The following C14orf132 variants were observed in gnomAD, a reference collection of about 807,000 sequenced individuals.
C14orf132 encodes the protein uncharacterized protein C14orf132.
A neutral mutation model predicts 5.8 loss-of-function variants in C14orf132; 6 were observed. The observed-to-expected ratio is 1.03, with a 90% CI of 0.57 to 2.04. C14orf132 has a LOEUF of 2.04. Among genes scored for constraint, C14orf132 ranks in the 30% most tolerant of loss-of-function variants. C14orf132 has a pLI of 0.00. For missense variants in C14orf132, 125 were observed against 115.8 expected, an observed-to-expected ratio of 1.08 and a Z score of -0.37; for synonymous variants, 51 against 49.8, an observed-to-expected ratio of 1.02 and a Z score of -0.10.
rs182171396 is a variant in C14orf132 at position 96,088,366 on chromosome 14, C to G, written c.*1631C>G. The G allele has an allele frequency of 6.6e-6, 1 of 152,350 alleles. No individual in the cohort carries two copies. Among genetic ancestry groups the G allele is most frequent in the Admixed American group, 6.5e-5 (1 of 15,310 alleles). 9.4% of individuals were successfully genotyped at this position (152,350 alleles called of 1,614,324 possible). ...ATCTGTCACTGCCACCGTATATCATCTGCCAGTGCATCAGCTTAAGGGGAG... is the reference window on the plus strand; with the variant it reads ...ATCTGTCACTGCCACCGTATATCATGTGCCAGTGCATCAGCTTAAGGGGAG... On this transcript the variant is annotated 3_prime_UTR_variant, in exon 2 of 2. Transcript: ENST00000555004.
chr14:96,057,219 A>T (rs79120083), intron 1 of C14orf132, among the ~76,000 whole-genome samples: 2,638 of 152,310 alleles, frequency 0.017, 72 homozygotes, highest in African/African-American at 0.06. Context: ...GATTAATGCC[A>T]TCTAAAAGGC....
chr14:96,046,091 G>C (rs1264464715), intron 1 of C14orf132, among the ~76,000 whole-genome samples: 1 of 152,226 alleles, frequency 6.6e-6, no homozygotes, highest in Admixed American at 6.5e-5. Flanking sequence ...CCAAGAAAGA[G>C]TGTTCCAGCA....
intron 1 of C14orf132, among the ~76,000 whole-genome samples, chr14:96,069,179 G>GTATATATATATATATATGTATA (rs527543816): frequency 2.1e-5 from 1 of 48,762 alleles, no homozygotes; most frequent in Admixed American, 3.0e-4. Context: ...ATATATATAT[G>GTATATATATATATATATGTATA]TATATATATA....
At chr14:96,072,448 G>A (rs1887742444) in intron 1 of C14orf132, among the ~76,000 whole-genome samples, 1 of 152,216 alleles carries the variant, frequency 6.6e-6, no homozygotes, top group Non-Finnish European at 1.5e-5. Context: ...TTGCCACAGT[G>A]CCTGGCTCAG....
At chr14:96,081,394 C>G (rs370245957) in intron 1 of C14orf132, among the ~76,000 whole-genome samples, 1 of 152,178 alleles carries the variant, frequency 6.6e-6, no homozygotes, top group African/African-American at 2.4e-5. Flanking sequence ...GATCACACCA[C>G]GAGGCAATGT....
At chr14:96,064,234 G>C (rs1195360109) in intron 1 of C14orf132, among the ~76,000 whole-genome samples, 1 of 151,914 alleles carries the variant, frequency 6.6e-6, no homozygotes, top group East Asian at 1.9e-4. Context: ...CAGAGGAAAA[G>C]AAGTCATTAT....
intron 1 of C14orf132, among the ~76,000 whole-genome samples, chr14:96,053,276 C>T (rs1226846724): frequency 6.6e-6 from 1 of 152,230 alleles, no homozygotes; most frequent in African/African-American, 2.4e-5. Flanking sequence ...ATGAGCCAGA[C>T]ACCGTTCTAG....
intron 1 of C14orf132, among the ~76,000 whole-genome samples, chr14:96,080,794 C>A (rs1010997196): frequency 6.6e-5 from 10 of 152,126 alleles, no homozygotes; most frequent in Admixed American, 1.3e-4. Context: ...ACTCAGCCAC[C>A]CCATGCTACA....
intron 1 of C14orf132, among the ~76,000 whole-genome samples, chr14:96,083,160 C>A (rs1888080350): frequency 6.6e-6 from 1 of 152,180 alleles, no homozygotes; most frequent in Non-Finnish European, 1.5e-5. Context: ...CTGTGGGGAG[C>A]CCTTCTGCTG....
chr14:96,080,118 C>G (rs990683965), intron 1 of C14orf132, among the ~76,000 whole-genome samples: 8 of 152,208 alleles, frequency 5.3e-5, no homozygotes, highest in African/African-American at 1.9e-4. Flanking sequence ...GCCACACAGA[C>G]TCTCACTTTA....
rs10148419 is a variant in C14orf132 at position 96,090,784 on chromosome 14, T to C, written c.*4049T>C. ...CGGTTCAGCTGGAAGGCTTGGAGGC[T>C]GGCCAGACCACTCTGGCGTCTCCTG... is the stretch of plus-strand genomic sequence containing the variant. On this transcript the variant is annotated 3_prime_UTR_variant, in exon 2 of 2. Coordinates refer to ENST00000555004, the MANE Select transcript of C14orf132 (RefSeq NM_001252507.3). The C allele has an allele frequency of 0.99, 449,571 of 456,082 alleles. 221,583 individuals are homozygous for C. Among genetic ancestry groups the C allele is most frequent in the East Asian group, 1 (14,379 of 14,380 alleles). 28.3% of individuals were successfully genotyped at this position (456,082 alleles called of 1,614,324 possible). A position where few individuals can be genotyped will look rare whatever the true frequency, so the allele number is the denominator to read the frequency against.
intron 1 of C14orf132, among the ~76,000 whole-genome samples, chr14:96,048,447 C>A (rs577378541): frequency 2.0e-5 from 3 of 152,298 alleles, no homozygotes; most frequent in African/African-American, 7.2e-5. Flanking sequence ...CAGTATGTAG[C>A]TTTTCAGATT....
intron 1 of C14orf132, among the ~76,000 whole-genome samples, chr14:96,041,650 C>T (rs1362621270): frequency 1.3e-5 from 2 of 152,240 alleles, no homozygotes; most frequent in Non-Finnish European, 2.9e-5. Context: ...AGTGCTCAGA[C>T]CCTGCTCCTG....
chr14:96,062,768 C>T (rs1887398132), intron 1 of C14orf132, among the ~76,000 whole-genome samples: 1 of 152,186 alleles, frequency 6.6e-6, no homozygotes, highest in African/African-American at 2.4e-5. Flanking sequence ...AAAGCGCTGT[C>T]TTCACTCCTG....
At chr14:96,071,146 A>G (rs1887695801) in intron 1 of C14orf132, among the ~76,000 whole-genome samples, 1 of 152,188 alleles carries the variant, frequency 6.6e-6, no homozygotes, top group African/African-American at 2.4e-5. Flanking sequence ...ACTTACAATC[A>G]TGGCGAAAGG....
chr14:96,058,706 G>A (rs1887255484), intron 1 of C14orf132, among the ~76,000 whole-genome samples: 1 of 152,194 alleles, frequency 6.6e-6, no homozygotes, highest in South Asian at 2.1e-4. Context: ...GGATCAGACA[G>A]GATGCATCTC....
intron 1 of C14orf132, among the ~76,000 whole-genome samples, chr14:96,081,642 A>G (rs1353585912): frequency 1.3e-5 from 2 of 152,174 alleles, no homozygotes; most frequent in African/African-American, 4.8e-5. Flanking sequence ...GCTGGCACGC[A>G]GACTGGAAAG....
chr14:96,051,682 C>T (rs971710995), intron 1 of C14orf132, among the ~76,000 whole-genome samples: 1 of 152,232 alleles, frequency 6.6e-6, no homozygotes, highest in Non-Finnish European at 1.5e-5. Context: ...GCATCTCCTG[C>T]CTTCTCTCTG....
chr14:96,071,596 T>C (rs1442967271), intron 1 of C14orf132, among the ~76,000 whole-genome samples: 2 of 152,188 alleles, frequency 1.3e-5, no homozygotes, highest in Non-Finnish European at 2.9e-5. Context: ...CCCCTGGGGA[T>C]CCCCAGTCTT....
Sources: allele counts gnomAD v4.1 joint callset (sites outside exome capture counted in the v4.1 genomes callset), GRCh38; gene constraint gnomAD v4.1.1; transcripts MANE v1.5; gene names NCBI Gene and HGNC (gene_info 2026-07-23, HGNC 2026-07-21).